Variants in DNAJC3 observed in about 807,000 individuals in gnomAD.
The protein encoded by DNAJC3 is dnaJ homolog subfamily C member 3.
Under a neutral mutation model 68.6 loss-of-function variants are expected in DNAJC3, and 38 were observed. The observed-to-expected ratio is 0.55, with a 90% CI of 0.43 to 0.73. The LOEUF (loss-of-function observed/expected upper bound fraction) is 0.73. Among genes scored for constraint, DNAJC3 ranks in the 30% least tolerant of loss-of-function variants. DNAJC3 has a pLI of 0.00. For missense variants in DNAJC3, 526 were observed against 591.9 expected (o/e 0.89, Z 1.16); for synonymous variants, 203 against 204.0 (o/e 1.00, Z 0.04).
intron 2 of DNAJC3, among the ~76,000 whole-genome samples, chr13:95,715,554 T>C (rs1881111008): frequency 2.0e-5 from 3 of 151,142 alleles, no homozygotes; most frequent in African/African-American, 4.9e-5. Context: ...TGATCTCGGC[T>C]CACTGCAACC....
At chr13:95,773,731 C>CTCTTTTTTTT (rs1359420907) in intron 9 of DNAJC3, among the ~76,000 whole-genome samples, 3 of 71,328 alleles carry the variant, frequency 4.2e-5, no homozygotes, top group African/African-American at 1.7e-4. Context: ...TTTTGTTGGT[C>CTCTTTTTTTT]TTTTTTTTTT....
intron 1 of DNAJC3, among the ~76,000 whole-genome samples, chr13:95,677,747 A>C (rs1376803997): frequency 6.6e-6 from 1 of 152,224 alleles, no homozygotes; most frequent in East Asian, 1.9e-4. Context: ...TAAGGTGGCC[A>C]AAAGACTTCC....
chr13:95,755,830 C>T (rs1882645835), intron 4 of DNAJC3, among the ~76,000 whole-genome samples: 1 of 144,866 alleles, frequency 6.9e-6, no homozygotes, highest in African/African-American at 2.5e-5. Context: ...TCTGGCTTGA[C>T]TCTCTTTGAA....
At position 95,677,450 on chromosome 13, in the gene DNAJC3, C is replaced by T. The variant is rs1879788628; in HGVS notation, c.82+113C>T. On this transcript the variant is annotated intron_variant, in intron 1 of 11. Transcript: ENST00000602402. ...AGCGGCTCGGGAGGTGGGGCGAGCGCTGGGGGAGCCCGCGGCCTGGCTTGG... is the reference window on the plus strand; with the variant it reads ...AGCGGCTCGGGAGGTGGGGCGAGCGTTGGGGGAGCCCGCGGCCTGGCTTGG... 5.5e-6 allele frequency: 6 copies of T among 1,094,958 alleles called. No individual in the cohort carries two copies. The South Asian group carries it at 1.1e-4, about 20-fold the overall frequency. The allele number at this position is 1,094,958 out of a possible 1,614,324, so 67.8% of individuals were successfully genotyped here.
intron 2 of DNAJC3, among the ~76,000 whole-genome samples, chr13:95,710,441 G>T (rs967537150): frequency 1.3e-5 from 2 of 151,934 alleles, no homozygotes; most frequent in African/African-American, 4.8e-5. Context: ...ATGTTGTCCA[G>T]GCTGGTCTGA....
chr13:95,754,812 T>C (rs1882601413), intron 4 of DNAJC3, among the ~76,000 whole-genome samples: 1 of 152,154 alleles, frequency 6.6e-6, no homozygotes, highest in Admixed American at 6.6e-5. Flanking sequence ...ACTGCCAACC[T>C]GGTGTTTTTA....
chr13:95,744,581 G>T (rs1217699915), intron 4 of DNAJC3: 2 of 152,130 alleles, frequency 1.3e-5, no homozygotes, highest in African/African-American at 4.8e-5. Context: ...TTAAAATTCA[G>T]ATTAACAATT....
intron 11 of DNAJC3, among the ~76,000 whole-genome samples, chr13:95,789,495 T>C (rs926774837): frequency 6.6e-6 from 1 of 152,244 alleles, no homozygotes; most frequent in Non-Finnish European, 1.5e-5. Flanking sequence ...TCATTCTTTT[T>C]TATGGCTGCA....
Position 95,736,352 on chromosome 13 carries a change from T to A in DNAJC3, c.393+11100T>A, listed in dbSNP as rs556917343. ...ACTTTAAAGTAGTTTTTTCCAATTC[T>A]GTGAAGAAAGTCATTGGTAGCTTGA... On this transcript the variant is annotated intron_variant, in intron 4 of 11. Coordinates refer to ENST00000602402, the MANE Select transcript of DNAJC3 (RefSeq NM_006260.5). Among the ~76,000 whole-genome samples, 43 of 151,056 alleles carry A rather than the reference T, an allele frequency of 2.8e-4. No individual in the cohort carries two copies. In the East Asian group the frequency reaches 7.8e-3, roughly 27 times the overall value.
chr13:95,721,110 C>G (rs1881309130), intron 2 of DNAJC3, among the ~76,000 whole-genome samples: 1 of 152,174 alleles, frequency 6.6e-6, no homozygotes, highest in South Asian at 2.1e-4. Context: ...CCTTCTGTCT[C>G]TATTATTTGA....
At chr13:95,720,632 A>C (rs1482444813) in intron 2 of DNAJC3, among the ~76,000 whole-genome samples, 1 of 152,186 alleles carries the variant, frequency 6.6e-6, no homozygotes, top group Non-Finnish European at 1.5e-5. Flanking sequence ...TTCTAAATGT[A>C]GTTACTCTGA....
chr13:95,785,898 TA>T (rs1166422894), intron 9 of DNAJC3, 40 bp from the exon 10 acceptor site: 1 of 1,519,576 alleles, frequency 6.6e-7, no homozygotes, highest in Non-Finnish European at 8.8e-7. Context: ...CAATAAATTA[TA>T]ATTTGCCTTA....
chr13:95,694,774 T>C (rs1176773016), intron 1 of DNAJC3: 1 of 152,654 alleles, frequency 6.6e-6, no homozygotes, highest in African/African-American at 2.4e-5. Flanking sequence ...GTTGCCCATA[T>C]CAACCGAGTT....
intron 4 of DNAJC3, among the ~76,000 whole-genome samples, chr13:95,739,812 C>T (rs1489349588): frequency 1.3e-5 from 2 of 152,304 alleles, no homozygotes; most frequent in East Asian, 1.9e-4. Context: ...TCTCTCAGCT[C>T]GTCAAAGTCA....
chr13:95,738,583 T>G (rs537120678), intron 4 of DNAJC3, among the ~76,000 whole-genome samples: 1 of 152,346 alleles, frequency 6.6e-6, no homozygotes, highest in South Asian at 2.1e-4. Flanking sequence ...TGTCATGGCC[T>G]TCTTTGTCTC....
At chr13:95,705,580 TA>T (rs1453757078) in intron 1 of DNAJC3, among the ~76,000 whole-genome samples, 2 of 151,624 alleles carry the variant, frequency 1.3e-5, no homozygotes, top group Non-Finnish European at 2.9e-5. Flanking sequence ...TAGACTGGAG[TA>T]TAGTGGCACG....
chr13:95,705,140 C>T (rs978977238), intron 1 of DNAJC3, among the ~76,000 whole-genome samples: 2 of 152,176 alleles, frequency 1.3e-5, no homozygotes, highest in Admixed American at 1.3e-4. Context: ...GCATGAGCCA[C>T]CGCACCTGGC....
intron 9 of DNAJC3, 117 bp from the exon 10 acceptor site, chr13:95,785,822 A>C: frequency 2.1e-5 from 19 of 904,024 alleles, no homozygotes; most frequent in South Asian, 4.8e-5. Flanking sequence ...TTTGGCAATA[A>C]TGGCCAAAGA....
chr13:95,766,961 A>G (rs567569498), intron 9 of DNAJC3, among the ~76,000 whole-genome samples: 225 of 152,148 alleles, frequency 1.5e-3, no homozygotes, highest in Non-Finnish European at 1.9e-3. Flanking sequence ...TGGCCTCCCA[A>G]AGTGCTGGTA....
Sources: allele counts gnomAD v4.1 joint callset (sites outside exome capture counted in the v4.1 genomes callset), GRCh38; gene constraint gnomAD v4.1.1; transcripts MANE v1.5; gene names NCBI Gene and HGNC (gene_info 2026-07-23, HGNC 2026-07-21).